MALRD1: variants seen among roughly 807,000 people sequenced by gnomAD.
MALRD1 encodes MAM and LDL-receptor class A domain-containing protein 1.
MALRD1 carries 247 observed loss-of-function variants against 242.1 expected under a neutral mutation model. That is an observed-to-expected ratio of 1.02 (90% CI 0.92 to 1.13). The LOEUF is 1.13. Ranked by LOEUF, MALRD1 falls within the 50% of genes most tolerant of loss-of-function variation. The pLI is 0.00. For missense variants in MALRD1, 2,989 were observed against 2,533.1 expected (o/e 1.18, Z -3.86); for synonymous variants, 995 against 866.6 (o/e 1.15, Z -2.60).
At chr10:19,465,242 C>T (rs1836161261) in intron 29 of MALRD1, among the ~76,000 whole-genome samples, 1 of 152,080 alleles carries the variant, frequency 6.6e-6, no homozygotes, top group Non-Finnish European at 1.5e-5. Flanking sequence ...GCTTCCAGTA[C>T]TCTGTTGAAT....
At chr10:19,657,980 T>A (rs1279627390) in intron 36 of MALRD1, among the ~76,000 whole-genome samples, 1 of 152,002 alleles carries the variant, frequency 6.6e-6, no homozygotes, top group Non-Finnish European at 1.5e-5. Flanking sequence ...AAACCCTGTC[T>A]CTACTAAAAA....
chr10:19,176,870 A>ATG (rs139103707), intron 14 of MALRD1, among the ~76,000 whole-genome samples: 85 of 148,994 alleles, frequency 5.7e-4, no homozygotes, highest in South Asian at 1.1e-3. Context: ...GCATGTGTGC[A>ATG]TGTGTGTGTG....
chr10:19,166,759 G>C (rs1434358150), intron 13 of MALRD1, among the ~76,000 whole-genome samples: 3 of 152,020 alleles, frequency 2.0e-5, no homozygotes, highest in African/African-American at 4.8e-5. Context: ...TTGTCAAATG[G>C]GTGTTCTAAT....
chr10:19,442,584 T>C (rs1047353454), intron 28 of MALRD1, among the ~76,000 whole-genome samples: 24 of 152,200 alleles, frequency 1.6e-4, no homozygotes, highest in African/African-American at 5.5e-4. Context: ...AATCATGTGG[T>C]TTTTGTCTTT....
chr10:19,095,474 G>A (rs1167097836), intron 4 of MALRD1, among the ~76,000 whole-genome samples: 2 of 152,122 alleles, frequency 1.3e-5, no homozygotes, highest in African/African-American at 4.8e-5. Context: ...GAGTGTGGGT[G>A]GTTAGAAAAT....
chr10:19,398,101 A>G (rs1692030723), intron 28 of MALRD1, among the ~76,000 whole-genome samples: 1 of 152,036 alleles, frequency 6.6e-6, no homozygotes, highest in African/African-American at 2.4e-5. Context: ...ATTTTATACC[A>G]TTCTGTAGAT....
chr10:19,592,379 CT>C (rs1837836730), intron 33 of MALRD1, among the ~76,000 whole-genome samples: 1 of 152,322 alleles, frequency 6.6e-6, no homozygotes, highest in Admixed American at 6.5e-5. Context: ...GGCATAGGGC[CT>C]GGGCCATCTT....
At chr10:19,349,498 G>C (rs751773926) in intron 25 of MALRD1, among the ~76,000 whole-genome samples, 11 of 152,310 alleles carry the variant, frequency 7.2e-5, no homozygotes, top group Middle Eastern at 3.4e-3. Context: ...AAAGTGACAT[G>C]ATCAGGTGAG....
intron 38 of MALRD1, among the ~76,000 whole-genome samples, chr10:19,726,731 G>A (rs1003312837): frequency 3.3e-5 from 5 of 152,152 alleles, no homozygotes; most frequent in Non-Finnish European, 4.4e-5. Context: ...TAAACAAAAT[G>A]TGACATATAC....
intron 20 of MALRD1, among the ~76,000 whole-genome samples, chr10:19,281,175 C>T (rs776430554): frequency 5.9e-5 from 9 of 152,178 alleles, no homozygotes; most frequent in Non-Finnish European, 8.8e-5. Context: ...AAAGCTGACT[C>T]ACTTCATGCA....
At chr10:19,392,409 G>C (rs4483483) in intron 28 of MALRD1, among the ~76,000 whole-genome samples, 133,162 of 152,150 alleles carry the variant, frequency 0.88, 58,512 homozygotes, top group African/African-American at 0.92. Context: ...CCCCTTTATC[G>C]AGATCTATAC....
chr10:19,689,989 A>G (rs1842752012), intron 36 of MALRD1, among the ~76,000 whole-genome samples: 1 of 152,106 alleles, frequency 6.6e-6, no homozygotes, highest in Non-Finnish European at 1.5e-5. Flanking sequence ...TAAAATTTAT[A>G]GAAGGTAAAT....
chr10:19,356,126 G>A (rs923070630), intron 26 of MALRD1, among the ~76,000 whole-genome samples: 1 of 151,418 alleles, frequency 6.6e-6, no homozygotes, highest in African/African-American at 2.4e-5. Flanking sequence ...TACCACTACA[G>A]TAGTTACAGG....
chr10:19,230,577 C>A (rs1435215353), intron 18 of MALRD1, among the ~76,000 whole-genome samples: 2 of 152,156 alleles, frequency 1.3e-5, no homozygotes, highest in African/African-American at 4.8e-5. Flanking sequence ...ATTCAGGAGG[C>A]ATCTGTCTCC....
At chr10:19,282,465 GGAGA>G (rs932189591) in intron 20 of MALRD1, among the ~76,000 whole-genome samples, 117 of 152,146 alleles carry the variant, frequency 7.7e-4, no homozygotes, top group African/African-American at 2.6e-3. Context: ...GAACACATTC[GGAGA>G]GAGAATTCAG....
At chr10:19,106,769 G>A (rs1203132098) in intron 5 of MALRD1, among the ~76,000 whole-genome samples, 4 of 151,782 alleles carry the variant, frequency 2.6e-5, no homozygotes, top group Admixed American at 6.6e-5. Flanking sequence ...GCATTTATTG[G>A]TATAAACTCC....
intron 29 of MALRD1, among the ~76,000 whole-genome samples, chr10:19,473,228 C>T (rs188220844): frequency 8.6e-5 from 13 of 150,776 alleles, no homozygotes; most frequent in South Asian, 6.3e-4. Flanking sequence ...GAGGTTATGA[C>T]GTATACCCTG....
At chr10:19,531,154 TATC>T in intron 31 of MALRD1, 37 bp from the exon 32 acceptor site, 1 of 1,504,676 alleles carries the variant, frequency 6.6e-7, no homozygotes, top group Non-Finnish European at 9.0e-7. Context: ...CATGCGATAT[TATC>T]ATTACACTGA....
At chr10:19,648,318 A>T (rs117338541) in intron 36 of MALRD1, among the ~76,000 whole-genome samples, 7 of 152,340 alleles carry the variant, frequency 4.6e-5, no homozygotes, top group Non-Finnish European at 1.0e-4. Flanking sequence ...GCCTTACTTT[A>T]GATTAAGAAT....
Sources: gnomAD v4.1 joint callset for allele counts (sites outside exome capture counted in the v4.1 genomes callset) on GRCh38, gnomAD v4.1.1 for gene constraint, MANE v1.5 for transcripts, NCBI Gene and HGNC (gene_info 2026-07-23, HGNC 2026-07-21) for gene names.